Variants in CCDC175 observed in about 807,000 individuals in gnomAD.
CCDC175 encodes coiled-coil domain containing 175.
In CCDC175, 100 loss-of-function variants were observed where a neutral mutation model predicts 114.6. The ratio of observed to expected loss-of-function variants is 0.87; its 90% CI spans 0.74 to 1.03. CCDC175 has a LOEUF of 1.03. CCDC175 is among the 50% of genes least tolerant of loss of function. CCDC175 has a pLI of 0.00. For missense variants in CCDC175, 880 were observed against 917.8 expected, an observed-to-expected ratio of 0.96 and a Z score of 0.53; for synonymous variants, 306 against 308.7, an observed-to-expected ratio of 0.99 and a Z score of 0.09.
At chr14:59,534,893 G>A (rs1314300744) in intron 13 of CCDC175, among the ~76,000 whole-genome samples, 1 of 152,154 alleles carries the variant, frequency 6.6e-6, no homozygotes, top group Non-Finnish European at 1.5e-5. Flanking sequence ...TAGAATGTAT[G>A]GGTCAGAGAC....
At chr14:59,521,530 C>A in intron 17 of CCDC175, 44 bp downstream of exon 17, 2 of 1,090,388 alleles carry the variant, frequency 1.8e-6, no homozygotes, top group South Asian at 1.4e-5. Flanking sequence ...AGTTCTGTCC[C>A]GCTAAAGAAC....
intron 15 of CCDC175, among the ~76,000 whole-genome samples, chr14:59,526,766 A>G (rs1195597543): frequency 6.6e-6 from 1 of 152,202 alleles, no homozygotes; most frequent in Admixed American, 6.5e-5. Context: ...TCAAGTTTCT[A>G]ACTTATAAAT....
chr14:59,532,918 C>T (rs537201810), intron 13 of CCDC175, among the ~76,000 whole-genome samples: 4 of 152,194 alleles, frequency 2.6e-5, no homozygotes, highest in Non-Finnish European at 5.9e-5. Flanking sequence ...CTACACTTGT[C>T]CCAGTTTACT....
chr14:59,512,805 G>GGTGT (rs140076678), intron 17 of CCDC175, among the ~76,000 whole-genome samples: 2,755 of 144,434 alleles, frequency 0.019, 47 homozygotes, highest in Middle Eastern at 0.039. Context: ...TCTCAGCAGG[G>GGTGT]GTGTGTGTGT....
intron 4 of CCDC175, among the ~76,000 whole-genome samples, chr14:59,566,481 A>G (rs909111109): frequency 1.3e-5 from 2 of 152,230 alleles, no homozygotes; most frequent in Non-Finnish European, 2.9e-5. Context: ...AAGAAATGCA[A>G]TAAAAAGAAG....
chr14:59,576,537 C>T, intron 1 of CCDC175, 82 bp downstream of exon 1: 2 of 1,282,788 alleles, frequency 1.6e-6, no homozygotes, highest in South Asian at 1.9e-5. Context: ...GGAGGAGAGT[C>T]CCCGCTCAGG....
At position 59,531,889 on chromosome 14, in the gene CCDC175, G is replaced by GT. The variant is rs762293201; in HGVS notation, c.1644dup (p.Gln549ThrfsTer3). On this transcript the variant is annotated frameshift_variant, in exon 14 of 20. Transcript: ENST00000537690. LOFTEE classifies it high-confidence loss of function. ...TCTTCTTCCTTTTCTTTGTTAATTTGTGTTTCCTTAACAAATATTTCCTTT... is the reference window on the plus strand; with the variant it reads ...TCTTCTTCCTTTTCTTTGTTAATTTGTTGTTTCCTTAACAAATATTTCCTTT... 1,208 of 1,235,776 alleles carry GT rather than the reference G, an allele frequency of 9.8e-4. No homozygotes were observed. Among genetic ancestry groups the GT allele is most frequent in the Non-Finnish European group, 1.3e-3 (1,119 of 886,764 alleles). The allele number at this position is 1,235,776 out of a possible 1,614,324, so 76.6% of individuals were successfully genotyped here.
chr14:59,565,710 T>C lies in CCDC175; in HGVS notation c.492-435A>G, dbSNP rs1182608689. Among the ~76,000 whole-genome samples, 3 of 149,364 alleles carry C rather than the reference T, an allele frequency of 2.0e-5. No individual in the cohort carries two copies. The East Asian group carries it at 5.8e-4, about 29-fold the overall frequency. On this transcript the variant is annotated intron_variant, in intron 4 of 19. Coordinates refer to ENST00000537690, the MANE Select transcript of CCDC175 (RefSeq NM_001164399.2). ...TGACAGAGTGAGTCTCTGTCTGAAA[T>C]TAAAAAAAAAAAATTGAGATGAGGA...
chr14:59,505,483 T>C, intron 19 of CCDC175, 168 bp from the exon 20 acceptor site: 1 of 397,926 alleles, frequency 2.5e-6, no homozygotes. Context: ...TAGGACTATA[T>C]CTTCTGGTCC....
rs1896446809 is a variant in CCDC175 at position 59,565,081 on chromosome 14, T to A, written c.686A>T (p.Glu229Val). Reference sequence around the variant, plus strand: ...CAACTCTTGTTTTCTTATTAGATATTCTGCCCTTTCTTTTTCCATTAGCTC... The same window carrying A: ...CAACTCTTGTTTTCTTATTAGATATACTGCCCTTTCTTTTTCCATTAGCTC... ...AEELMEKERA[E>V]YLIRKQELTA... Residue 229 changes from glutamate (E) to valine (V), a missense_variant, in exon 5 of 20, where the codon GAA (glutamate) becomes GTA (valine). Physicochemically the swap from Glu to Val is moderately radical, Grantham distance 121. Coordinates refer to ENST00000537690, the MANE Select transcript of CCDC175 (RefSeq NM_001164399.2). The A allele has an allele frequency of 6.5e-7, 1 of 1,537,144 alleles. No individual in the cohort carries two copies. The highest frequency in any genetic ancestry group is 8.7e-7 in the Non-Finnish European group (1 of 1,146,812).
rs186322624 is a variant in CCDC175, at chr14:59,515,147, A to G, written c.2099-3344T>C. On this transcript the variant is annotated intron_variant, in intron 17 of 19. Transcript: ENST00000537690. ...ATTTTGTCACCACCAGGCCTGCCCT[A>G]CAAGAGCTCCTGAAGGAAGCACTAA... 3.2e-4 allele frequency among the ~76,000 whole-genome samples: 49 copies of G among 152,348 alleles called. No individual in the cohort carries two copies. In the East Asian group the frequency reaches 8.7e-3, roughly 27 times the overall value.
At chr14:59,555,199 G>C (rs537362502) in intron 7 of CCDC175, among the ~76,000 whole-genome samples, 1 of 152,090 alleles carries the variant, frequency 6.6e-6, no homozygotes, top group Non-Finnish European at 1.5e-5. Flanking sequence ...GATGAACATC[G>C]ATGAAAAAAT....
intron 17 of CCDC175, among the ~76,000 whole-genome samples, chr14:59,512,628 G>A (rs1457593510): frequency 5.9e-5 from 9 of 152,116 alleles, no homozygotes; most frequent in African/African-American, 2.2e-4. Context: ...AAGCCTAAGG[G>A]TAGTCCTGGG....
intron 4 of CCDC175, among the ~76,000 whole-genome samples, chr14:59,565,841 C>T (rs1316336741): frequency 1.3e-5 from 2 of 152,122 alleles, no homozygotes; most frequent in Non-Finnish European, 2.9e-5. Context: ...GTAGTGACCA[C>T]AGGGTATTTT....
rs1175349243 is a variant in CCDC175, at chr14:59,561,165, C to A, written c.907G>T (p.Glu303Ter). 1.4e-5 allele frequency: 22 copies of A among 1,535,818 alleles called. No individual in the cohort carries two copies. Among genetic ancestry groups the A allele is most frequent in the Non-Finnish European group, 1.9e-5 (22 of 1,145,810 alleles). Residue 303 changes from glutamate (E) to a stop codon, truncating the protein, a stop_gained, in exon 7 of 20, where the codon GAG becomes TAG. Coordinates refer to ENST00000537690, the MANE Select transcript of CCDC175 (RefSeq NM_001164399.2). LOFTEE classifies it high-confidence loss of function. ...AGGTCTTTCTTTAGCTCACTGACCT[C>A]TTGTTCCCAATACCTTATTGATTCG... ...LHESIRYWEQ[E>*]VSELKKDLAI...
intron 11 of CCDC175, 27 bp downstream of exon 11, chr14:59,540,648 C>CTT (rs34112354): frequency 0.21 from 212,018 of 1,027,920 alleles, 10,384 homozygotes; most frequent in East Asian, 0.3. Flanking sequence ...CACAAATAAA[C>CTT]TTTTTTTTTT....
chr14:59,509,547 CTG>C (rs1403064527), intron 19 of CCDC175, among the ~76,000 whole-genome samples: 2 of 152,180 alleles, frequency 1.3e-5, no homozygotes, highest in Non-Finnish European at 2.9e-5. Context: ...GGGTCTCACT[CTG>C]TCATCCAGGC....
chr14:59,505,952 A>G (rs945718111), intron 19 of CCDC175, among the ~76,000 whole-genome samples: 1 of 152,208 alleles, frequency 6.6e-6, no homozygotes, highest in Non-Finnish European at 1.5e-5. Flanking sequence ...CTTACAGTTC[A>G]GTATCCGTAA....
intron 12 of CCDC175, 47 bp downstream of exon 12, chr14:59,538,658 G>T: frequency 2.2e-6 from 3 of 1,388,218 alleles, no homozygotes; most frequent in Non-Finnish European, 2.9e-6. Flanking sequence ...GAGAATTGCT[G>T]ATATGCAATG....
Sources: gnomAD v4.1 joint callset for allele counts (sites outside exome capture counted in the v4.1 genomes callset) on GRCh38, gnomAD v4.1.1 for gene constraint, MANE v1.5 for transcripts, NCBI Gene and HGNC (gene_info 2026-07-23, HGNC 2026-07-21) for gene names.